The following RSU1 variants were observed in gnomAD, a reference collection of about 807,000 sequenced individuals.
RSU1 encodes the protein Ras suppressor protein 1.
RSU1 carries 26 observed loss-of-function variants against 31.1 expected under a neutral mutation model. The observed-to-expected ratio is 0.84, with a 90% CI of 0.61 to 1.16. The LOEUF is 1.16. Among genes scored for constraint, RSU1 ranks in the 50% most tolerant of loss-of-function variants. The pLI is 0.00. For missense variants in RSU1, 320 were observed against 339.1 expected, an observed-to-expected ratio of 0.94 and a Z score of 0.44; for synonymous variants, 164 against 136.3, an observed-to-expected ratio of 1.20 and a Z score of -1.41.
chr10:16,762,069 G>A (rs1837220842), intron 4 of RSU1, among the ~76,000 whole-genome samples: 1 of 151,948 alleles, frequency 6.6e-6, no homozygotes, highest in Non-Finnish European at 1.5e-5. Context: ...TGACCTCATT[G>A]GTCTGTTCCT....
At chr10:16,765,400 C>A (rs1348058396) in intron 3 of RSU1, among the ~76,000 whole-genome samples, 4 of 152,102 alleles carry the variant, frequency 2.6e-5, no homozygotes, top group African/African-American at 9.7e-5. Flanking sequence ...GATCGATACA[C>A]TGTTATTATA....
chr10:16,676,353 A>G (rs1234314102), intron 8 of RSU1, among the ~76,000 whole-genome samples: 2 of 152,202 alleles, frequency 1.3e-5, no homozygotes, highest in African/African-American at 4.8e-5. Context: ...GTGGCAGGCA[A>G]GAGACTGTGT....
rs570898179 is a variant in RSU1 at position 16,710,399 on chromosome 10, A to G, written c.599-15244T>C. Among the ~76,000 whole-genome samples, 3 of 152,292 alleles carry G rather than the reference A, an allele frequency of 2.0e-5. No homozygotes were observed. The South Asian group carries it at 6.2e-4, about 32-fold the overall frequency. On this transcript the variant is annotated intron_variant, in intron 7 of 8. Coordinates refer to ENST00000345264, the MANE Select transcript of RSU1 (RefSeq NM_012425.4). ...ATCTTTTTAATGTGCTGCTGGATTC[A>G]GTTTGTTAATATCTTATTAAGAATT...
chr10:16,813,643 T>C (rs1206626853), intron 2 of RSU1, among the ~76,000 whole-genome samples: 1 of 152,248 alleles, frequency 6.6e-6, no homozygotes, highest in Non-Finnish European at 1.5e-5. Flanking sequence ...AAGTAGCTTC[T>C]CTAAGGTTAC....
intron 8 of RSU1, among the ~76,000 whole-genome samples, chr10:16,594,624 TATG>T (rs1833576192): frequency 6.9e-6 from 1 of 144,034 alleles, no homozygotes; most frequent in Admixed American, 6.9e-5. Context: ...ATATGATATA[TATG>T]ATAGATAATA....
intron 7 of RSU1, among the ~76,000 whole-genome samples, chr10:16,719,927 C>T (rs1283567200): frequency 6.6e-6 from 1 of 152,200 alleles, no homozygotes; most frequent in African/African-American, 2.4e-5. Context: ...AGCCCACATG[C>T]TTTATGTATA....
intron 8 of RSU1, among the ~76,000 whole-genome samples, chr10:16,665,210 G>T (rs1303371870): frequency 1.3e-5 from 2 of 152,142 alleles, no homozygotes; most frequent in Non-Finnish European, 2.9e-5. Context: ...CTCCCAAAGT[G>T]CTGGGATTAC....
rs547348634 is a variant in RSU1, at chr10:16,634,744, C to T, written c.732-41248G>A. 6.6e-4 allele frequency among the ~76,000 whole-genome samples: 101 copies of T among 152,154 alleles called. 2 individuals carry two copies. The South Asian group carries it at 0.021, about 32-fold the overall frequency. On this transcript the variant is annotated intron_variant, in intron 8 of 8. Coordinates refer to ENST00000345264, the MANE Select transcript of RSU1 (RefSeq NM_012425.4). ...GTCTGGAAGGGACCTTACAGGTCAC[C>T]CAGTTACCTCAATTACCTAAGGAAA...
At chr10:16,753,396 G>C (rs946523044) in intron 5 of RSU1, among the ~76,000 whole-genome samples, 3 of 152,124 alleles carry the variant, frequency 2.0e-5, no homozygotes, top group African/African-American at 7.2e-5. Context: ...AGGGCAAAAG[G>C]GTTCTTTCAA....
chr10:16,777,392 A>G (rs1443238742), intron 3 of RSU1, among the ~76,000 whole-genome samples: 1 of 152,234 alleles, frequency 6.6e-6, no homozygotes, highest in Non-Finnish European at 1.5e-5. Context: ...AACACTAAAA[A>G]ATGATACGTG....
At chr10:16,661,589 C>T (rs950413163) in intron 8 of RSU1, among the ~76,000 whole-genome samples, 4 of 152,300 alleles carry the variant, frequency 2.6e-5, no homozygotes, top group Middle Eastern at 3.4e-3. Context: ...ATGATGACTA[C>T]TATTTTTCCT....
At chr10:16,596,147 G>C (rs1049529335) in intron 8 of RSU1, among the ~76,000 whole-genome samples, 3 of 152,090 alleles carry the variant, frequency 2.0e-5, no homozygotes, top group African/African-American at 7.2e-5. Flanking sequence ...AGTTCAGCGG[G>C]TCCAACCTTG....
At chr10:16,683,623 C>A (rs150864826) in intron 8 of RSU1, among the ~76,000 whole-genome samples, 1 of 152,028 alleles carries the variant, frequency 6.6e-6, no homozygotes, top group African/African-American at 2.4e-5. Flanking sequence ...AACCTCCTAA[C>A]AAAAAGAGGA....
At chr10:16,754,396 A>C (rs531913422) in intron 5 of RSU1, among the ~76,000 whole-genome samples, 4 of 152,348 alleles carry the variant, frequency 2.6e-5, no homozygotes, top group African/African-American at 9.6e-5. Context: ...GGTCAATAAG[A>C]GTACTTTTTA....
At chr10:16,740,756 CA>C (rs1181908838) in intron 7 of RSU1, among the ~76,000 whole-genome samples, 6 of 152,006 alleles carry the variant, frequency 3.9e-5, no homozygotes, top group Non-Finnish European at 8.8e-5. Context: ...AAAAATTTAG[CA>C]AAAGTATCAA....
At chr10:16,611,286 C>T (rs1159302332) in intron 8 of RSU1, among the ~76,000 whole-genome samples, 2 of 152,176 alleles carry the variant, frequency 1.3e-5, no homozygotes, top group Non-Finnish European at 2.9e-5. Flanking sequence ...GGGAAGTCTC[C>T]AGAATAGGCT....
chr10:16,744,476 A>G (rs945673099), intron 7 of RSU1, among the ~76,000 whole-genome samples: 1 of 152,240 alleles, frequency 6.6e-6, no homozygotes. Context: ...TTAGAAAATA[A>G]TGTTGTCACT....
intron 3 of RSU1, among the ~76,000 whole-genome samples, chr10:16,778,151 G>C (rs567494681): frequency 3.8e-4 from 58 of 151,120 alleles, no homozygotes; most frequent in African/African-American, 1.3e-3. Flanking sequence ...CTCCACAGTA[G>C]CTGAGATGCC....
chr10:16,747,395 C>G (rs1377624103), intron 7 of RSU1, among the ~76,000 whole-genome samples: 1 of 152,130 alleles, frequency 6.6e-6, no homozygotes, highest in African/African-American at 2.4e-5. Flanking sequence ...TTTAAGATAT[C>G]TGAGGCTCAG....
Sources: allele counts gnomAD v4.1 joint callset (sites outside exome capture counted in the v4.1 genomes callset), GRCh38; gene constraint gnomAD v4.1.1; transcripts MANE v1.5; gene names NCBI Gene and HGNC (gene_info 2026-07-23, HGNC 2026-07-21).